NTRK2: variants seen among roughly 807,000 people sequenced by gnomAD.
NTRK2 encodes the protein BDNF/NT-3 growth factors receptor.
NTRK2 carries 13 observed loss-of-function variants against 94.5 expected under a neutral mutation model. The ratio of observed to expected loss-of-function variants is 0.14; its 90% CI spans 0.09 to 0.22. NTRK2 has a LOEUF of 0.22. NTRK2 is among the 10% of genes least tolerant of loss of function. The pLI is 1.00. For missense variants in NTRK2, 639 were observed against 1,071.2 expected (o/e 0.60, Z 5.63); for synonymous variants, 372 against 407.4 (o/e 0.91, Z 1.05).
chr9:84,707,245 A>C lies in NTRK2; in HGVS notation c.360-599A>C, dbSNP rs192661647. Among the ~76,000 whole-genome samples the C allele has an allele frequency of 4.7e-4, 71 of 152,338 alleles. No homozygotes were observed. The South Asian group carries it at 0.015, about 32-fold the overall frequency. Reference sequence around the variant, plus strand: ...AGATGGTATGTCACTAGAATGGTTCAAGATGAAATCTGACATATTCCTTGT... The same window carrying C: ...AGATGGTATGTCACTAGAATGGTTCCAGATGAAATCTGACATATTCCTTGT... On this transcript the variant is annotated intron_variant, in intron 4 of 18. Transcript: ENST00000277120.
chr9:85,020,412 A>G (rs1832680942), intron 18 of NTRK2, 48 bp downstream of exon 18: 1 of 1,603,098 alleles, frequency 6.2e-7, no homozygotes, highest in Non-Finnish European at 8.5e-7. Flanking sequence ...GAGATCCCAG[A>G]GGCATCCATT....
intron 2 of NTRK2, among the ~76,000 whole-genome samples, chr9:84,694,335 A>G (rs1057475178): frequency 3.9e-5 from 6 of 152,246 alleles, no homozygotes; most frequent in Non-Finnish European, 8.8e-5. Context: ...TTAGCACTCC[A>G]TAAAGAGGGA....
chr9:84,774,816 C>A (rs890672723), intron 12 of NTRK2, among the ~76,000 whole-genome samples: 1 of 151,870 alleles, frequency 6.6e-6, no homozygotes, highest in Non-Finnish European at 1.5e-5. Context: ...GAGAAACTAG[C>A]GCATGGAATA....
intron 14 of NTRK2, among the ~76,000 whole-genome samples, chr9:84,918,310 G>A (rs548743097): frequency 1.1e-4 from 17 of 152,152 alleles, no homozygotes; most frequent in Non-Finnish European, 2.5e-4. Flanking sequence ...CCTCTTTTCT[G>A]CCTCCTTTGC....
intron 4 of NTRK2, among the ~76,000 whole-genome samples, chr9:84,703,529 C>T (rs151043158): frequency 0.016 from 2,435 of 152,250 alleles, 36 homozygotes; most frequent in Middle Eastern, 0.037. Flanking sequence ...AAGGTTCGTC[C>T]TCTTTCTTTT....
Position 84,670,689 on chromosome 9 carries a change from G to T in NTRK2, c.-60G>T, listed in dbSNP as rs1470953746. 11 of 1,552,442 alleles carry T rather than the reference G, an allele frequency of 7.1e-6. No individual in the cohort carries two copies. In the Admixed American group the frequency reaches 8.3e-5, roughly 12 times the overall value. ...GCAGGGAAGGCCTCCCCGCACGGGT[G>T]GGGGAAAGCGGCCGGTGCAGCGCGG... On this transcript the variant is annotated 5_prime_UTR_variant, in exon 2 of 19. Transcript: ENST00000277120.
chr9:85,001,171 G>T (rs1257694644), intron 17 of NTRK2, among the ~76,000 whole-genome samples: 1 of 152,110 alleles, frequency 6.6e-6, no homozygotes, highest in East Asian at 1.9e-4. Context: ...CTCTTCTGGT[G>T]CTAGTTCTTC....
intron 17 of NTRK2, among the ~76,000 whole-genome samples, chr9:84,977,681 CATT>C (rs2133198745): frequency 6.6e-6 from 1 of 152,320 alleles, no homozygotes; most frequent in African/African-American, 2.4e-5. Context: ...TGCACACACA[CATT>C]AGTTGTACAG....
intron 18 of NTRK2, among the ~76,000 whole-genome samples, chr9:85,020,825 C>T (rs1832720768): frequency 6.6e-6 from 1 of 152,164 alleles, no homozygotes. Context: ...GGCACAGCAT[C>T]TTGATCAGGC....
chr9:84,944,252 C>G (rs1447608874), intron 15 of NTRK2, among the ~76,000 whole-genome samples: 1 of 148,718 alleles, frequency 6.7e-6, no homozygotes, highest in Non-Finnish European at 1.5e-5. Context: ...CACACACACA[C>G]AGTCTAGCAT....
At chr9:84,674,576 G>A (rs2058913787) in intron 2 of NTRK2, among the ~76,000 whole-genome samples, 1 of 152,130 alleles carries the variant, frequency 6.6e-6, no homozygotes, top group Admixed American at 6.6e-5. Flanking sequence ...TTAGAACTTT[G>A]GACTGTGTCT....
chr9:84,901,203 T>TATTTTATTTTATTTC (rs2076918207), intron 14 of NTRK2, among the ~76,000 whole-genome samples: 1 of 146,508 alleles, frequency 6.8e-6, no homozygotes, highest in South Asian at 2.2e-4. Flanking sequence ...TGTTTTGTTT[T>TATTTTATTTTATTTC]GTTTTATTTT....
chr9:84,790,378 G>A (rs922338349), intron 12 of NTRK2, among the ~76,000 whole-genome samples: 31 of 152,178 alleles, frequency 2.0e-4, no homozygotes, highest in African/African-American at 7.0e-4. Context: ...AAAAAAAGCA[G>A]AGCCTTCTTA....
At chr9:84,963,111 G>A (rs527554391) in intron 17 of NTRK2, among the ~76,000 whole-genome samples, 2 of 152,344 alleles carry the variant, frequency 1.3e-5, no homozygotes, top group African/African-American at 2.4e-5. Flanking sequence ...ACTGCAATCC[G>A]AGGAGGAAGG....
chr9:84,738,892 C>T (rs1258881626), intron 9 of NTRK2, among the ~76,000 whole-genome samples: 2 of 152,138 alleles, frequency 1.3e-5, no homozygotes, highest in Admixed American at 1.3e-4. Flanking sequence ...ACTTGTCATA[C>T]ATCTGGGAGG....
At chr9:84,933,697 A>G (rs919884532) in intron 14 of NTRK2, among the ~76,000 whole-genome samples, 3 of 152,146 alleles carry the variant, frequency 2.0e-5, no homozygotes, top group South Asian at 2.1e-4. Flanking sequence ...AAGATCTTGC[A>G]TTTTCCTTTT....
intron 12 of NTRK2, among the ~76,000 whole-genome samples, chr9:84,790,887 A>G (rs1356415158): frequency 6.6e-6 from 1 of 152,224 alleles, no homozygotes; most frequent in African/African-American, 2.4e-5. Flanking sequence ...GTGGATTTTA[A>G]AGAACATTAT....
chr9:84,824,222 G>T (rs1471094871), intron 12 of NTRK2, among the ~76,000 whole-genome samples: 1 of 152,216 alleles, frequency 6.6e-6, no homozygotes, highest in Non-Finnish European at 1.5e-5. Flanking sequence ...AAGTGACACA[G>T]GTGCTGGCTG....
intron 12 of NTRK2, chr9:84,814,176 C>G (rs1461582111): frequency 9.4e-7 from 1 of 1,065,670 alleles, no homozygotes; most frequent in Non-Finnish European, 1.1e-6. Context: ...AATCCCAGCC[C>G]CACCCAGCAA....
Sources: allele counts gnomAD v4.1 joint callset (sites outside exome capture counted in the v4.1 genomes callset), GRCh38; gene constraint gnomAD v4.1.1; transcripts MANE v1.5; gene names NCBI Gene and HGNC (gene_info 2026-07-23, HGNC 2026-07-21).